Variants in DNAH3 observed in about 807,000 individuals in gnomAD.
DNAH3 encodes the protein dynein axonemal heavy chain 3.
In DNAH3, 332 loss-of-function variants were observed where a neutral mutation model predicts 432.5. The ratio of observed to expected loss-of-function variants is 0.77; its 90% CI spans 0.70 to 0.84. DNAH3 has a LOEUF of 0.84. Among genes scored for constraint, DNAH3 ranks in the 40% least tolerant of loss-of-function variants. The probability of loss-of-function intolerance (pLI) is 0.00; values close to 1 mark genes in which losing one functional copy is unlikely to be tolerated. For missense variants in DNAH3, 4,861 were observed against 5,114.0 expected (o/e 0.95, Z 1.51); for synonymous variants, 1,956 against 1,900.2 (o/e 1.03, Z -0.76).
chr16:20,974,444 T>G (rs1002834679), intron 51 of DNAH3, among the ~76,000 whole-genome samples: 1 of 151,770 alleles, frequency 6.6e-6, no homozygotes, highest in Non-Finnish European at 1.5e-5. Context: ...AAGGCTGCAG[T>G]GAGCTATGGA....
intron 10 of DNAH3, 80 bp downstream of exon 11, chr16:21,121,865 G>T: frequency 7.7e-7 from 1 of 1,291,822 alleles, no homozygotes; most frequent in East Asian, 2.4e-5. Flanking sequence ...CCAGCGACCT[G>T]ACTTGTACAA....
intron 4 of DNAH3, among the ~76,000 whole-genome samples, chr16:21,141,023 C>T (rs2092711518): frequency 6.6e-6 from 1 of 152,086 alleles, no homozygotes; most frequent in Admixed American, 6.6e-5. Flanking sequence ...CCTGAAATCC[C>T]AGCTACTCAG....
chr16:21,111,654 C>A (rs750975681), exon 14 of DNAH3: 1 of 1,613,476 alleles, frequency 6.2e-7, no homozygotes, highest in South Asian at 1.1e-5. Context: ...TTTACATCCA[C>A]TTGGAATTGA....
At chr16:21,026,972 C>T (rs1168890478) in intron 38 of DNAH3, 55 bp downstream of exon 38, 56 of 1,255,864 alleles carry the variant, frequency 4.5e-5, no homozygotes, top group Non-Finnish European at 6.3e-5. Context: ...TTCTCTTTTG[C>T]TTAGGGTGAG....
At chr16:21,014,366 G>A (rs550020332) in intron 41 of DNAH3, among the ~76,000 whole-genome samples, 7 of 152,084 alleles carry the variant, frequency 4.6e-5, no homozygotes, top group African/African-American at 9.7e-5. Flanking sequence ...ATATGATCAC[G>A]TTAATAGATT....
At chr16:20,991,776 G>A (rs1237077232) in intron 44 of DNAH3, among the ~76,000 whole-genome samples, 2 of 152,146 alleles carry the variant, frequency 1.3e-5, no homozygotes, top group East Asian at 1.9e-4. Context: ...GACTTGTTGG[G>A]ATTCAGATTC....
rs1392061406 is a variant in DNAH3 at position 21,136,651 on chromosome 16, G to A, written c.697-138C>T. On this transcript the variant is annotated intron_variant, in intron 5 of 61. Transcript: ENST00000261383. ...TCACTTGCCATAACCATGCATTCTG[G>A]GCCTGTCGCTTCACACTCATGGCAA... 5.1e-6 allele frequency: 4 copies of A among 778,596 alleles called. No homozygotes were observed. In the East Asian group the frequency reaches 1.0e-4, roughly 20 times the overall value. 48.2% of individuals were successfully genotyped at this position (778,596 alleles called of 1,614,324 possible). A position where few individuals can be genotyped will look rare whatever the true frequency, so the allele number is the denominator to read the frequency against.
chr16:20,948,486 G>A, exon 57 of DNAH3: 1 of 1,613,224 alleles, frequency 6.2e-7, no homozygotes, highest in Non-Finnish European at 8.5e-7. Context: ...CCCTTACCTG[G>A]TAGGAGCCAT....
In DNAH3 at chr16:20,964,690, G is replaced by A. The variant is rs1567541433; in HGVS notation, c.9194C>T (p.Ser3065Phe). ...GGATACAATGATGCCATTGTCGATG[G>A]AGAAGGAGTCAACGGGAAGCCCAGC... Residue 3065 changes from serine to phenylalanine, a missense_variant, in exon 53 of 62, where the codon TCC becomes TTC. Ser to Phe is a radical substitution (Grantham distance 155). Coordinates refer to ENST00000261383, the Ensembl canonical transcript of DNAH3. The A allele has an allele frequency of 3.1e-6, 5 of 1,614,164 alleles. 1 individual carries two copies. Among genetic ancestry groups the A allele is most frequent in the East Asian group, 4.5e-5 (2 of 44,878 alleles).
At chr16:21,151,006 G>A (rs189260563) in intron 1 of DNAH3, among the ~76,000 whole-genome samples, 160 bp from the exon 1 acceptor site, 1 of 152,302 alleles carries the variant, frequency 6.6e-6, no homozygotes, top group Non-Finnish European at 1.5e-5. Flanking sequence ...ATGGGAAGGT[G>A]TTTAGCAATG....
chr16:21,051,537 G>A, intron 29 of DNAH3, 133 bp downstream of exon 29: 1 of 892,680 alleles, frequency 1.1e-6, no homozygotes, highest in South Asian at 1.7e-5. Context: ...CCATCTTTGG[G>A]ACTATGGAGA....
At chr16:21,086,529 C>T (rs1163673915) in intron 19 of DNAH3, among the ~76,000 whole-genome samples, 1 of 152,146 alleles carries the variant, frequency 6.6e-6, no homozygotes, top group South Asian at 2.1e-4. Context: ...CCCTGTTGCA[C>T]CTTGGAGGCT....
intron 20 of DNAH3, among the ~76,000 whole-genome samples, chr16:21,076,311 C>A (rs530794606): frequency 5.9e-5 from 9 of 152,276 alleles, no homozygotes; most frequent in Non-Finnish European, 1.3e-4. Flanking sequence ...GGGAAGACAG[C>A]CATCTGCAAG....
chr16:21,154,228 AC>A (rs1396748562), intron 1 of DNAH3, among the ~76,000 whole-genome samples: 1 of 152,158 alleles, frequency 6.6e-6, no homozygotes, highest in African/African-American at 2.4e-5. Flanking sequence ...ACATGGTGAA[AC>A]CCCGTCTCTA....
chr16:21,152,238 A>G (rs1039279651), intron 1 of DNAH3, among the ~76,000 whole-genome samples: 7 of 152,228 alleles, frequency 4.6e-5, no homozygotes, highest in African/African-American at 1.7e-4. Flanking sequence ...ATCTCAAAAA[A>G]AAAGAAAAAC....
At position 20,969,814 on chromosome 16, in the gene DNAH3, CCT is replaced by C. The variant is rs1293407190; in HGVS notation, c.8434_8435del (p.Arg2812GlufsTer9). The C allele has an allele frequency of 1.8e-5, 29 of 1,614,096 alleles. No individual in the cohort carries two copies. The highest frequency in any genetic ancestry group is 2.4e-5 in the Non-Finnish European group (28 of 1,180,058). ...TACCGGAGCCACTGGGGTCTGGCTT[CCT>C]CTCTGGCTTCATCCCTTTCATGATG... On this transcript the variant is annotated frameshift_variant, in exon 52 of 62. Coordinates refer to ENST00000261383, the Ensembl canonical transcript of DNAH3. LOFTEE classifies it high-confidence loss of function.
At chr16:21,148,899 A>G (rs78747722) in intron 1 of DNAH3, among the ~76,000 whole-genome samples, 305 of 152,304 alleles carry the variant, frequency 2.0e-3, no homozygotes, top group African/African-American at 7.0e-3. Flanking sequence ...CGAGATTCTC[A>G]TAAGAACTAG....
chr16:21,136,368 T>G, exon 6 of DNAH3: 1 of 1,614,036 alleles, frequency 6.2e-7, no homozygotes, highest in African/African-American at 1.3e-5. Context: ...CTCCTTCTCC[T>G]GCACGAGGAC....
rs2092805681 is a variant in DNAH3, at chr16:21,147,924, C to T, written c.118-1836G>A. Among the ~76,000 whole-genome samples, 3 of 152,308 alleles carry T rather than the reference C, an allele frequency of 2.0e-5. No individual in the cohort carries two copies. In the South Asian group the frequency reaches 6.2e-4, roughly 32 times the overall value. On this transcript the variant is annotated intron_variant, in intron 1 of 61. Transcript: ENST00000261383. ...CAACACTAGAAGAAAAGCTGTTGGC[C>T]TGGACTTATTGAGAGGTGCTGCCGT...
Sources: allele counts gnomAD v4.1 joint callset (sites outside exome capture counted in the v4.1 genomes callset), GRCh38; gene constraint gnomAD v4.1.1; transcripts MANE v1.5; gene names NCBI Gene and HGNC (gene_info 2026-07-23, HGNC 2026-07-21).